SAMD12: variants seen among roughly 807,000 people sequenced by gnomAD.
SAMD12 encodes sterile alpha motif domain-containing protein 12.
Under a neutral mutation model 15.0 loss-of-function variants are expected in SAMD12, and 9 were observed. That is an observed-to-expected ratio of 0.60 (90% CI 0.36 to 1.05). The LOEUF (loss-of-function observed/expected upper bound fraction) is 1.05. Ranked by LOEUF, SAMD12 falls within the 50% of genes least tolerant of loss-of-function variation. The pLI, the probability that SAMD12 is intolerant of heterozygous loss-of-function variation, is 0.01. For synonymous variants in SAMD12, 86 were observed against 90.1 expected (o/e 0.96, Z 0.25); for missense variants, 230 against 234.2 (o/e 0.98, Z 0.12).
chr8:118,545,145 G>A (rs565074962), intron 2 of SAMD12, among the ~76,000 whole-genome samples: 1 of 152,260 alleles, frequency 6.6e-6, no homozygotes, highest in East Asian at 1.9e-4. Context: ...ACACATGCAT[G>A]TATAAACATG....
chr8:118,150,957 T>C, the SAMD12 span, among the ~76,000 whole-genome samples: 45,666 of 152,018 alleles, frequency 0.3, 6,846 homozygotes, highest in Admixed American at 0.33. Flanking sequence ...CCTGTAGTCC[T>C]AGCCTCTTGA....
rs529363515 is a variant in SAMD12 at position 118,217,903 on chromosome 8, G to T, written c.434-20171C>A. 4.6e-5 allele frequency among the ~76,000 whole-genome samples: 7 copies of T among 152,236 alleles called. No individual in the cohort carries two copies. The South Asian group carries it at 1.5e-3, about 32-fold the overall frequency. On this transcript the variant is annotated intron_variant, in intron 4 of 4. Coordinates refer to the SAMD12 transcript ENST00000409003. ...TGTGCTGTTCCTAATACTTAGAAAAGCTTTCTGTCCTCTGTGCTAATCCCA... is the reference window on the plus strand; with the variant it reads ...TGTGCTGTTCCTAATACTTAGAAAATCTTTCTGTCCTCTGTGCTAATCCCA...
At chr8:118,176,155 G>A in the SAMD12 span, among the ~76,000 whole-genome samples, 1 of 152,122 alleles carries the variant, frequency 6.6e-6, no homozygotes, top group African/African-American at 2.4e-5. Flanking sequence ...CAAAATATCA[G>A]CTGGGCATGG....
In SAMD12 at chr8:118,379,319, T is replaced by C; in HGVS notation, c.*98A>G. The C allele has an allele frequency of 6.7e-7, 1 of 1,498,974 alleles. No individual in the cohort carries two copies. Among genetic ancestry groups the C allele is most frequent in the Non-Finnish European group, 8.9e-7 (1 of 1,128,328 alleles). 92.9% of individuals were successfully genotyped at this position (1,498,974 alleles called of 1,614,324 possible). ...TCCATACAACTGTACGTGACCACCT[T>C]GAAGTTAGCTCAGGTAATTCTGTTT... On this transcript the variant is annotated 3_prime_UTR_variant, in exon 4 of 4. Transcript: ENST00000314727.
intron 4 of SAMD12, among the ~76,000 whole-genome samples, chr8:118,288,910 T>A (rs1185773571): frequency 6.6e-6 from 1 of 152,222 alleles, no homozygotes; most frequent in Non-Finnish European, 1.5e-5. Flanking sequence ...AGTTCAGGTC[T>A]CCCATGCTAG....
chr8:118,472,536 A>G (rs1356129039), intron 2 of SAMD12, among the ~76,000 whole-genome samples: 2 of 151,866 alleles, frequency 1.3e-5, no homozygotes, highest in Admixed American at 6.6e-5. Flanking sequence ...ATAGCCGGGC[A>G]TGGCAGCCTG....
chr8:118,438,860 A>G (rs1822652184), intron 3 of SAMD12, among the ~76,000 whole-genome samples: 1 of 152,188 alleles, frequency 6.6e-6, no homozygotes. Flanking sequence ...GATCTGGACT[A>G]GAAATGACTT....
intron 4 of SAMD12, among the ~76,000 whole-genome samples, chr8:118,264,001 T>C (rs7834609): frequency 0.37 from 56,269 of 152,012 alleles, 12,293 homozygotes; most frequent in African/African-American, 0.61. Flanking sequence ...TTGTATTCCA[T>C]TGCAATTGAA....
At chr8:118,543,428 A>C (rs1826037570) in intron 2 of SAMD12, among the ~76,000 whole-genome samples, 1 of 152,136 alleles carries the variant, frequency 6.6e-6, no homozygotes, top group African/African-American at 2.4e-5. Context: ...GATCAAACAA[A>C]AACGCACCTT....
At chr8:118,510,805 T>C (rs1825060046) in intron 2 of SAMD12, among the ~76,000 whole-genome samples, 1 of 152,216 alleles carries the variant, frequency 6.6e-6, no homozygotes, top group Non-Finnish European at 1.5e-5. Context: ...ACAAAGTTCC[T>C]ATCAAGAGCT....
downstream of SAMD12, among the ~76,000 whole-genome samples, chr8:118,184,576 A>T (rs1563683134): frequency 1.3e-5 from 2 of 152,052 alleles, no homozygotes; most frequent in Admixed American, 1.3e-4. Context: ...GCTCACTGCA[A>T]CCTCCGGCTC....
At chr8:118,363,280 T>A (rs2130645994) in intron 4 of SAMD12, among the ~76,000 whole-genome samples, 1 of 152,272 alleles carries the variant, frequency 6.6e-6, no homozygotes, top group Non-Finnish European at 1.5e-5. Context: ...TCAAACATTT[T>A]TCTGGGTGTA....
the SAMD12 span, among the ~76,000 whole-genome samples, chr8:118,156,687 A>G: frequency 6.6e-6 from 1 of 152,210 alleles, no homozygotes; most frequent in African/African-American, 2.4e-5. Flanking sequence ...TCATGATAAT[A>G]CAAGGGCAAA....
At chr8:118,522,193 C>G (rs776702751) in intron 2 of SAMD12, among the ~76,000 whole-genome samples, 10 of 80,840 alleles carry the variant, frequency 1.2e-4, no homozygotes, top group Non-Finnish European at 2.4e-4. Flanking sequence ...CACACACACA[C>G]ACACATACAC....
At chr8:118,280,669 A>T (rs562350615) in intron 4 of SAMD12, among the ~76,000 whole-genome samples, 1 of 152,218 alleles carries the variant, frequency 6.6e-6, no homozygotes, top group African/African-American at 2.4e-5. Flanking sequence ...GGAGAAAAGC[A>T]TTCTTCAGAA....
At chr8:118,191,714 C>T (rs902085466) in exon 5 of SAMD12, 14 of 132,920 alleles carry the variant, frequency 1.1e-4, no homozygotes, top group Middle Eastern at 3.9e-3. Flanking sequence ...AACATTAACA[C>T]GCTAAATGCA....
chr8:118,175,515 C>T, the SAMD12 span, among the ~76,000 whole-genome samples: 2 of 152,178 alleles, frequency 1.3e-5, no homozygotes, highest in Non-Finnish European at 2.9e-5. Flanking sequence ...AACTAAAGAG[C>T]TCTTGCACAG....
intron 1 of SAMD12, among the ~76,000 whole-genome samples, chr8:118,618,511 C>G (rs1384931505): frequency 6.6e-6 from 1 of 152,102 alleles, no homozygotes; most frequent in African/African-American, 2.4e-5. Flanking sequence ...GATGCAGGTT[C>G]CAGACACCCT....
intron 4 of SAMD12, among the ~76,000 whole-genome samples, chr8:118,264,322 A>G (rs1273287902): frequency 7.9e-5 from 12 of 152,150 alleles, no homozygotes. Flanking sequence ...ATCTTTTACA[A>G]AATTTTTTGC....
Sources: gnomAD v4.1 joint callset for allele counts (sites outside exome capture counted in the v4.1 genomes callset) on GRCh38, gnomAD v4.1.1 for gene constraint, MANE v1.5 for transcripts, NCBI Gene and HGNC (gene_info 2026-07-23, HGNC 2026-07-21) for gene names.